The following EHBP1 variants were observed in gnomAD, a reference collection of about 807,000 sequenced individuals.
EHBP1 encodes EH domain-binding protein 1.
EHBP1 carries 55 observed loss-of-function variants against 144.0 expected under a neutral mutation model. The observed-to-expected ratio is 0.38, with a 90% CI of 0.31 to 0.48. The LOEUF is 0.48. Ranked by LOEUF, EHBP1 falls within the 20% of genes least tolerant of loss-of-function variation. EHBP1 has a pLI of 0.98. For synonymous variants in EHBP1, 469 were observed against 472.7 expected (o/e 0.99, Z 0.10); for missense variants, 1,200 against 1,364.2 (o/e 0.88, Z 1.90).
chr2:62,811,853 G>A (rs2045037251), intron 5 of EHBP1, among the ~76,000 whole-genome samples: 1 of 152,136 alleles, frequency 6.6e-6, no homozygotes, highest in Non-Finnish European at 1.5e-5. Context: ...ATGAGACAGA[G>A]GACAAGATCT....
intron 10 of EHBP1, among the ~76,000 whole-genome samples, chr2:62,936,054 C>G (rs1400234451): frequency 6.6e-6 from 1 of 152,068 alleles, no homozygotes; most frequent in African/African-American, 2.4e-5. Context: ...ACTTTTGCCT[C>G]TATATTCATG....
At chr2:62,759,003 T>G (rs2040537482) in intron 3 of EHBP1, among the ~76,000 whole-genome samples, 1 of 152,232 alleles carries the variant, frequency 6.6e-6, no homozygotes, top group Non-Finnish European at 1.5e-5. Flanking sequence ...GAATGATTGC[T>G]AACTCTGTAC....
intron 2 of EHBP1, among the ~76,000 whole-genome samples, chr2:62,724,915 C>CT (rs1449710742): frequency 2.6e-5 from 4 of 152,196 alleles, no homozygotes; most frequent in African/African-American, 7.2e-5. Context: ...CTAATGCCTT[C>CT]TCTCAACTTG....
At chr2:63,031,161 A>G (rs1405681372) in intron 19 of EHBP1, among the ~76,000 whole-genome samples, 1 of 152,158 alleles carries the variant, frequency 6.6e-6, no homozygotes, top group Non-Finnish European at 1.5e-5. Flanking sequence ...ATATTAATAT[A>G]TCTGTCACTT....
At chr2:62,805,178 C>T (rs1038321680) in intron 5 of EHBP1, among the ~76,000 whole-genome samples, 5 of 152,118 alleles carry the variant, frequency 3.3e-5, no homozygotes, top group Admixed American at 3.3e-4. Context: ...ATCTAGTTAT[C>T]ACTTATGAAA....
At chr2:62,703,749 C>T (rs1004791389), upstream of EHBP1, among the ~76,000 whole-genome samples, 7 of 152,186 alleles carry the variant, frequency 4.6e-5, no homozygotes, top group African/African-American at 1.7e-4. Flanking sequence ...AGGGATCCTA[C>T]TCCTTTATTT....
intron 15 of EHBP1, among the ~76,000 whole-genome samples, chr2:62,986,435 C>CT (rs1441825675): frequency 6.9e-6 from 1 of 144,206 alleles, no homozygotes; most frequent in Non-Finnish European, 1.5e-5. Context: ...AATCTTGTTT[C>CT]TTTTTTCCTT....
intron 5 of EHBP1, among the ~76,000 whole-genome samples, chr2:62,817,568 G>A (rs2045539736): frequency 6.6e-6 from 1 of 152,152 alleles, no homozygotes; most frequent in African/African-American, 2.4e-5. Flanking sequence ...TTTGCTGTGG[G>A]GCAATTGAAG....
At chr2:62,789,962 G>A (rs2043065494) in intron 5 of EHBP1, among the ~76,000 whole-genome samples, 2 of 152,152 alleles carry the variant, frequency 1.3e-5, no homozygotes, top group African/African-American at 4.8e-5. Flanking sequence ...TATGATGTCA[G>A]CGAATATAAT....
intron 3 of EHBP1, among the ~76,000 whole-genome samples, chr2:62,754,991 T>A (rs1378994778): frequency 6.6e-6 from 1 of 152,180 alleles, no homozygotes; most frequent in Non-Finnish European, 1.5e-5. Flanking sequence ...CTGCACCCAC[T>A]GTCCTGCACC....
At chr2:62,774,925 T>A (rs1208344111) in intron 5 of EHBP1, among the ~76,000 whole-genome samples, 3 of 152,212 alleles carry the variant, frequency 2.0e-5, no homozygotes, top group East Asian at 1.9e-4. Flanking sequence ...TGTGTGTGTG[T>A]GAGAGAGAGG....
At chr2:63,033,440 G>A (rs1239047105) in intron 19 of EHBP1, among the ~76,000 whole-genome samples, 2 of 152,010 alleles carry the variant, frequency 1.3e-5, no homozygotes, top group African/African-American at 2.4e-5. Flanking sequence ...TTGAATTTGT[G>A]TACTTGTATA....
intron 10 of EHBP1, among the ~76,000 whole-genome samples, chr2:62,892,177 T>C (rs1398622990): frequency 6.6e-6 from 1 of 152,196 alleles, no homozygotes; most frequent in East Asian, 1.9e-4. Context: ...CGTAACCATT[T>C]GGATAAAGAT....
rs190156366 is a variant in EHBP1 at position 62,717,668 on chromosome 2, A to T, written c.104+10373A>T. On this transcript the variant is annotated intron_variant, in intron 2 of 22. Coordinates refer to ENST00000431489, the MANE Select transcript of EHBP1 (RefSeq NM_001142616.3). ...TATTAAAACATTTTCTGGTTTTATT[A>T]ATCCGGGTATTGTTATTTCGAAAAT... is the stretch of plus-strand genomic sequence containing the variant. Among the ~76,000 whole-genome samples, 297 of 152,286 alleles carry T rather than the reference A, an allele frequency of 2.0e-3. 2 individuals carry two copies. Among genetic ancestry groups the T allele is most frequent in the African/African-American group, 6.3e-3 (261 of 41,564 alleles).
chr2:63,031,613 T>C (rs1013315842), intron 19 of EHBP1, among the ~76,000 whole-genome samples: 2 of 152,138 alleles, frequency 1.3e-5, no homozygotes, highest in Non-Finnish European at 2.9e-5. Flanking sequence ...TGCATCATCA[T>C]CCATATGTAA....
chr2:62,841,126 G>T (rs2152717010), intron 7 of EHBP1, among the ~76,000 whole-genome samples: 1 of 152,286 alleles, frequency 6.6e-6, no homozygotes, highest in Admixed American at 6.5e-5. Flanking sequence ...TTAAGAAAAT[G>T]TGGCACATAT....
chr2:62,860,292 C>T (rs1487130898), intron 8 of EHBP1, among the ~76,000 whole-genome samples: 1 of 152,112 alleles, frequency 6.6e-6, no homozygotes, highest in East Asian at 1.9e-4. Context: ...AAGTTTGCGC[C>T]CAGCCTGACC....
At chr2:63,006,205 ATG>A (rs1248145212) in intron 19 of EHBP1, among the ~76,000 whole-genome samples, 72 of 152,092 alleles carry the variant, frequency 4.7e-4, no homozygotes, top group Non-Finnish European at 8.8e-5. Context: ...TTGCACATAA[ATG>A]TCAGTCAGTG....
chr2:63,026,422 A>G (rs1488927455), intron 19 of EHBP1, among the ~76,000 whole-genome samples: 1 of 151,992 alleles, frequency 6.6e-6, no homozygotes, highest in African/African-American at 2.4e-5. Flanking sequence ...TTTATTTACC[A>G]TGAGCCTGGC....
Sources: gnomAD v4.1 joint callset for allele counts (sites outside exome capture counted in the v4.1 genomes callset) on GRCh38, gnomAD v4.1.1 for gene constraint, MANE v1.5 for transcripts, NCBI Gene and HGNC (gene_info 2026-07-23, HGNC 2026-07-21) for gene names.